STX17: variants seen among roughly 807,000 people sequenced by gnomAD.
The protein encoded by STX17 is syntaxin-17.
STX17 carries 29 observed loss-of-function variants against 35.9 expected under a neutral mutation model. The observed-to-expected ratio is 0.81, with a 90% confidence interval of 0.60 to 1.10. The LOEUF is 1.10. STX17 is among the 50% of genes least tolerant of loss of function. The pLI, the probability that STX17 is intolerant of heterozygous loss-of-function variation, is 0.00. For missense variants in STX17, 312 were observed against 352.3 expected, an observed-to-expected ratio of 0.89 and a Z score of 0.92; for synonymous variants, 92 against 118.3, an observed-to-expected ratio of 0.78 and a Z score of 1.44.
chr9:99,966,586 G>C (rs1460513080), intron 6 of STX17, among the ~76,000 whole-genome samples: 1 of 152,008 alleles, frequency 6.6e-6, no homozygotes, highest in Non-Finnish European at 1.5e-5. Flanking sequence ...TAGGATCAAA[G>C]AGAGATTCTC....
chr9:99,928,772 A>T lies in STX17; in HGVS notation c.124-6A>T, dbSNP rs978689892. 1 of 1,612,540 alleles carries T rather than the reference A, an allele frequency of 6.2e-7. No homozygotes were observed. Among genetic ancestry groups the T allele is most frequent in the South Asian group, 1.1e-5 (1 of 91,008 alleles). ...ATTTAATACCTCCCTTCTTTCTTTT[A>T]TATAGTATCAAAGGTGCAGAATCTG... is the stretch of plus-strand genomic sequence containing the variant. On this transcript the variant is annotated splice_polypyrimidine_tract_variant and splice_region_variant and intron_variant, in intron 2 of 7. Transcript: ENST00000259400.
intron 6 of STX17, among the ~76,000 whole-genome samples, chr9:99,961,042 G>A (rs1043124402): frequency 6.6e-6 from 1 of 152,180 alleles, no homozygotes; most frequent in Non-Finnish European, 1.5e-5. Context: ...TGTATGGCCT[G>A]TTCCAGATTG....
intron 4 of STX17, chr9:99,953,964 C>T (rs549375515): frequency 6.6e-6 from 1 of 152,066 alleles, no homozygotes; most frequent in African/African-American, 2.4e-5. Context: ...GCAGTTTACC[C>T]AGTTTGCTGG....
chr9:99,931,022 G>T (rs908304930), intron 3 of STX17, among the ~76,000 whole-genome samples: 15 of 152,076 alleles, frequency 9.9e-5, no homozygotes, highest in Admixed American at 5.9e-4. Flanking sequence ...TTTCGCCCAG[G>T]CTGGAGTGCA....
intron 2 of STX17, among the ~76,000 whole-genome samples, chr9:99,921,607 A>G (rs575507031): frequency 1.3e-5 from 2 of 149,724 alleles, no homozygotes; most frequent in African/African-American, 4.9e-5. Context: ...CTCCCAAACC[A>G]TCTCACTAAT....
At chr9:99,959,411 A>C (rs1377272428) in intron 4 of STX17, among the ~76,000 whole-genome samples, 1 of 152,046 alleles carries the variant, frequency 6.6e-6, no homozygotes, top group Non-Finnish European at 1.5e-5. Flanking sequence ...TAGAAAAAAA[A>C]AATGTGTTAA....
At chr9:99,967,616 C>T (rs754068181) in intron 6 of STX17, 37 bp from the exon 7 acceptor site, 5 of 1,597,374 alleles carry the variant, frequency 3.1e-6, no homozygotes, top group Admixed American at 1.7e-5. Context: ...TGCTGCTCCC[C>T]AGCAGGACCG....
Position 99,968,701 on chromosome 9 carries a change from AAC to A in STX17, c.*30_*31del, listed in dbSNP as rs1829968594. On this transcript the variant is annotated 3_prime_UTR_variant, in exon 8 of 8. Transcript: ENST00000259400. ...ACCAAATTTCAGTATTATTGGTGCC[AAC>A]ATGTCTATCCTGAGGACCTTTGCTG... 2 of 1,601,974 alleles carry A rather than the reference AAC, an allele frequency of 1.2e-6. No homozygotes were observed. Among genetic ancestry groups the A allele is most frequent in the Non-Finnish European group, 1.7e-6 (2 of 1,173,876 alleles).
At chr9:99,926,059 T>C (rs1828979132) in intron 2 of STX17, among the ~76,000 whole-genome samples, 1 of 152,100 alleles carries the variant, frequency 6.6e-6, no homozygotes, top group Non-Finnish European at 1.5e-5. Flanking sequence ...TCTATTGCTG[T>C]GTCCTTAGGT....
chr9:99,947,944 A>G (rs1005265231), intron 3 of STX17, among the ~76,000 whole-genome samples: 1 of 150,066 alleles, frequency 6.7e-6, no homozygotes, highest in African/African-American at 2.5e-5. Context: ...GGTACTTTTC[A>G]AGTTTTTTTT....
chr9:99,919,069 G>T (rs896540534), intron 2 of STX17, among the ~76,000 whole-genome samples: 24 of 152,116 alleles, frequency 1.6e-4, no homozygotes, highest in African/African-American at 5.6e-4. Flanking sequence ...TTGGTATCCA[G>T]TGTCCTTAGC....
intron 3 of STX17, among the ~76,000 whole-genome samples, chr9:99,949,880 A>G (rs1008147125): frequency 2.0e-5 from 3 of 151,868 alleles, no homozygotes; most frequent in African/African-American, 7.2e-5. Context: ...AAACCTGTTA[A>G]AGCAAATTTA....
At chr9:99,957,996 C>G (rs1829747605) in intron 4 of STX17, among the ~76,000 whole-genome samples, 1 of 152,040 alleles carries the variant, frequency 6.6e-6, no homozygotes, top group Non-Finnish European at 1.5e-5. Flanking sequence ...ATTATGGCAC[C>G]TTCCCAGTAG....
intron 1 of STX17, among the ~76,000 whole-genome samples, chr9:99,910,075 A>G (rs1828628735): frequency 6.6e-6 from 1 of 152,088 alleles, no homozygotes; most frequent in African/African-American, 2.4e-5. Flanking sequence ...TCTACTAAAA[A>G]TACAAAAATT....
intron 4 of STX17, among the ~76,000 whole-genome samples, chr9:99,958,122 T>A (rs1314709361): frequency 6.6e-6 from 1 of 152,202 alleles, no homozygotes; most frequent in Non-Finnish European, 1.5e-5. Context: ...TAGACTTTGC[T>A]TTTCTCCTCA....
chr9:99,921,471 A>G (rs1411707572), intron 2 of STX17, among the ~76,000 whole-genome samples: 1 of 151,926 alleles, frequency 6.6e-6, no homozygotes, highest in Non-Finnish European at 1.5e-5. Flanking sequence ...ATCTATGTTA[A>G]TCCTTCTAAT....
At chr9:99,936,302 G>A (rs1221906708) in intron 3 of STX17, among the ~76,000 whole-genome samples, 1 of 152,136 alleles carries the variant, frequency 6.6e-6, no homozygotes, top group Non-Finnish European at 1.5e-5. Context: ...CAAAATGATT[G>A]TATCGTTTTA....
rs1260664414 is a variant in STX17, at chr9:99,971,394, G to A, written c.*2721G>A. ...AAAAACGCATTTATATCAAACCTTA[G>A]AATATGTTTAATGAACAATACTTAC... is the stretch of plus-strand genomic sequence containing the variant. On this transcript the variant is annotated 3_prime_UTR_variant, in exon 8 of 8. Coordinates refer to ENST00000259400, the MANE Select transcript of STX17 (RefSeq NM_017919.3). Among the ~76,000 whole-genome samples, 1 of 150,932 alleles carries A rather than the reference G, an allele frequency of 6.6e-6. No individual in the cohort carries two copies. Among genetic ancestry groups the A allele is most frequent in the African/African-American group, 2.4e-5 (1 of 41,052 alleles).
At chr9:99,909,975 G>A (rs969091725) in intron 1 of STX17, among the ~76,000 whole-genome samples, 3 of 152,158 alleles carry the variant, frequency 2.0e-5, no homozygotes, top group East Asian at 1.9e-4. Context: ...CCTCACACTT[G>A]TAATCCTAGC....
Sources: allele counts gnomAD v4.1 joint callset (sites outside exome capture counted in the v4.1 genomes callset), GRCh38; gene constraint gnomAD v4.1.1; transcripts MANE v1.5; gene names NCBI Gene and HGNC (gene_info 2026-07-23, HGNC 2026-07-21).